The following FOLH1 variants were observed in gnomAD, a reference collection of about 807,000 sequenced individuals.
FOLH1 encodes the protein glutamate carboxypeptidase 2.
Under a neutral mutation model 93.9 loss-of-function variants are expected in FOLH1, and 54 were observed. That is an observed-to-expected ratio of 0.57 (90% CI 0.46 to 0.72). The LOEUF (loss-of-function observed/expected upper bound fraction) is 0.72. FOLH1 is among the 30% of genes least tolerant of loss of function. The pLI, the probability that FOLH1 is intolerant of heterozygous loss-of-function variation, is 0.00. For missense variants in FOLH1, 571 were observed against 892.5 expected, an observed-to-expected ratio of 0.64 and a Z score of 4.59; for synonymous variants, 249 against 303.6, an observed-to-expected ratio of 0.82 and a Z score of 1.87.
intron 3 of FOLH1, among the ~76,000 whole-genome samples, chr11:49,198,916 T>C (rs1207829716): frequency 3.3e-5 from 5 of 152,006 alleles, no homozygotes; most frequent in Admixed American, 1.3e-4. Context: ...CCTGGCTTAA[T>C]AATATTTTTT....
chr11:49,176,007 C>T lies in FOLH1; in HGVS notation c.921-50G>A, dbSNP rs144627857. 1.5e-4 allele frequency: 233 copies of T among 1,551,324 alleles called. 1 individual carries two copies. The highest frequency in any genetic ancestry group is 1.0e-3 in the Middle Eastern group (6 of 5,906). On this transcript the variant is annotated intron_variant, in intron 7 of 18. Coordinates refer to ENST00000256999, the MANE Select transcript of FOLH1 (RefSeq NM_004476.3). Reference sequence around the variant, plus strand: ...TAGCCACAAAAAAACCTTGAAGTAACGCATTAAAATGTTAATGGATTCACT... The same window carrying T: ...TAGCCACAAAAAAACCTTGAAGTAATGCATTAAAATGTTAATGGATTCACT...
At chr11:49,172,718 A>C (rs1859488610) in intron 10 of FOLH1, among the ~76,000 whole-genome samples, 1 of 152,172 alleles carries the variant, frequency 6.6e-6, no homozygotes, top group African/African-American at 2.4e-5. Context: ...AAGAGAATGA[A>C]CTTCCTGCTC....
At chr11:49,206,276 T>C (rs766105727) in intron 1 of FOLH1, 104 bp from the exon 2 acceptor site, 183 of 1,528,100 alleles carry the variant, frequency 1.2e-4, no homozygotes, top group Non-Finnish European at 1.5e-4. Flanking sequence ...ATTATCAATA[T>C]TACCTCTGAC....
intron 4 of FOLH1, among the ~76,000 whole-genome samples, chr11:49,187,538 T>C (rs1172347124): frequency 6.6e-6 from 1 of 151,854 alleles, no homozygotes; most frequent in African/African-American, 2.4e-5. Flanking sequence ...TTATTTACTA[T>C]TCAACATCAT....
chr11:49,197,604 C>T (rs1862758137), intron 3 of FOLH1, among the ~76,000 whole-genome samples: 1 of 152,038 alleles, frequency 6.6e-6, no homozygotes, highest in African/African-American at 2.4e-5. Context: ...TATTTGTTGC[C>T]TACGGATGGA....
At position 49,146,544 on chromosome 11, in the gene FOLH1, G is replaced by C; in HGVS notation, c.*212C>G. 2.1e-6 allele frequency: 1 copy of C among 468,594 alleles called. No homozygotes were observed. 29.0% of individuals were successfully genotyped at this position (468,594 alleles called of 1,614,324 possible). A position where few individuals can be genotyped will look rare whatever the true frequency, so the allele number is the denominator to read the frequency against. ...TACTGAGTTAAATTTTTCCACTTCA[G>C]AATAACCTCTTATAATTATGAAATT... On this transcript the variant is annotated 3_prime_UTR_variant, in exon 19 of 19. Coordinates refer to ENST00000256999, the MANE Select transcript of FOLH1 (RefSeq NM_004476.3).
chr11:49,191,147 G>A (rs185452851), intron 4 of FOLH1, among the ~76,000 whole-genome samples: 4,279 of 152,216 alleles, frequency 0.028, 73 homozygotes, highest in African/African-American at 0.036. Context: ...GAGTAGCTGG[G>A]ACTACAGGCG....
At chr11:49,188,972 A>G (rs202705) in intron 4 of FOLH1, among the ~76,000 whole-genome samples, 27,686 of 152,218 alleles carry the variant, frequency 0.18, 2,952 homozygotes, top group African/African-American at 0.28. Context: ...AATTTGTTAC[A>G]TAGCTATTAG....
chr11:49,187,497 T>C lies in FOLH1; in HGVS notation c.514-728A>G, dbSNP rs1306069839. 3.9e-5 allele frequency among the ~76,000 whole-genome samples: 6 copies of C among 152,238 alleles called. No individual in the cohort carries two copies. In the East Asian group the frequency reaches 9.6e-4, roughly 24 times the overall value. The stretch of plus-strand genomic sequence containing the variant: ...TTTAGAAGAAATTGTATACAACTTT[T>C]ATATTGATCCAAATGATTTAAATAC... On this transcript the variant is annotated intron_variant, in intron 4 of 18. Coordinates refer to ENST00000256999, the MANE Select transcript of FOLH1 (RefSeq NM_004476.3).
rs367843505 is a variant in FOLH1, at chr11:49,177,924, T to C, written c.921-1967A>G. ...ATTGCGGTGAAGCGAGATCACGTCA[T>C]TGCACTCCAGCCTGGGCAAAAAGAG... On this transcript the variant is annotated intron_variant, in intron 7 of 18. Transcript: ENST00000256999. 9.3e-5 allele frequency among the ~76,000 whole-genome samples: 14 copies of C among 149,894 alleles called. No homozygotes were observed. In the East Asian group the frequency reaches 1.8e-3, roughly 19 times the overall value.
Position 49,164,751 on chromosome 11 carries a change from T to A in FOLH1, c.1394A>T (p.Asp465Val). The A allele has an allele frequency of 2.5e-6, 4 of 1,603,180 alleles. No homozygotes were observed. Among genetic ancestry groups the A allele is most frequent in the Non-Finnish European group, 3.4e-6 (4 of 1,172,056 alleles). ...SIEGNYTLRV[D>V]CTPLMYSLVH... ...CAAGCTGTACATCAGCGGTGTACAATCAACTCTCAGAGTGTAGTTTCCTGA... is the reference window on the plus strand; with the variant it reads ...CAAGCTGTACATCAGCGGTGTACAAACAACTCTCAGAGTGTAGTTTCCTGA... Residue 465 changes from aspartate to valine, a missense_variant, in exon 13 of 19, where the codon GAT (aspartate) becomes GTT (valine). Around this residue, in one of 2 missense-constraint regions of FOLH1, gnomAD observed 500 missense variants for 822.9 expected, o/e 0.61. Coordinates refer to ENST00000256999, the MANE Select transcript of FOLH1 (RefSeq NM_004476.3).
chr11:49,173,469 A>G lies in FOLH1; in HGVS notation c.1113T>C (p.Tyr371=), dbSNP rs146822849. 26 of 1,603,398 alleles carry G rather than the reference A, an allele frequency of 1.6e-5. No individual in the cohort carries two copies. In the African/African-American group the frequency reaches 3.5e-4, roughly 21 times the overall value. Residue 371 remains tyrosine, a synonymous_variant, in exon 10 of 19, where the codon TAT becomes TAC. Transcript: ENST00000256999. The part of the protein sequence containing the change: ...TLRGAVEPDR[Y]VILGGHRDSW... ...AGTCCCGGTGACCTCCCAGAATGAC[A>G]TATCTGTCTAGAAAGCATAGATACA...
chr11:49,151,847 A>C (rs1276011469), intron 17 of FOLH1, among the ~76,000 whole-genome samples: 1 of 152,126 alleles, frequency 6.6e-6, no homozygotes, highest in Non-Finnish European at 1.5e-5. Flanking sequence ...TATAGGATAC[A>C]TGGTGTTTGG....
Position 49,146,907 on chromosome 11 carries a change from G to A in FOLH1, c.2102C>T (p.Ala701Val). The A allele has an allele frequency of 6.2e-7, 1 of 1,612,900 alleles. No homozygotes were observed. Among genetic ancestry groups the A allele is most frequent in the Non-Finnish European group, 8.5e-7 (1 of 1,179,336 alleles). Residue 701 changes from alanine (A) to valine (V), a missense_variant, in exon 19 of 19, where the codon GCA (alanine) becomes GTA (valine). Coordinates refer to ENST00000256999, the MANE Select transcript of FOLH1 (RefSeq NM_004476.3). Reference sequence around the variant, plus strand: ...ATAAATTCCTGGGAATGACTCCCCTGCATACTTGTTGTGGCTGCTTGGAGC... The same window carrying A: ...ATAAATTCCTGGGAATGACTCCCCTACATACTTGTTGTGGCTGCTTGGAGC... ...IYAPSSHNKY[A>V]GESFPGIYDA...
At chr11:49,179,035 G>C (rs1317960336) in intron 7 of FOLH1, among the ~76,000 whole-genome samples, 1 of 152,150 alleles carries the variant, frequency 6.6e-6, no homozygotes, top group Non-Finnish European at 1.5e-5. Context: ...ACATCACAGA[G>C]CAAAGGTAAA....
intron 7 of FOLH1, among the ~76,000 whole-genome samples, chr11:49,178,497 G>A (rs202709): frequency 0.99 from 151,293 of 152,298 alleles, 75,163 homozygotes; most frequent in Middle Eastern, 1. Flanking sequence ...CAAGGAGGTA[G>A]ACAAATAACT....
chr11:49,190,581 G>A (rs898009842), intron 4 of FOLH1, among the ~76,000 whole-genome samples: 1 of 152,072 alleles, frequency 6.6e-6, no homozygotes, highest in Admixed American at 6.6e-5. Flanking sequence ...ACAATATCAC[G>A]CTTGTTACAA....
intron 3 of FOLH1, among the ~76,000 whole-genome samples, chr11:49,194,405 T>C (rs55948961): frequency 6.6e-6 from 1 of 151,866 alleles, no homozygotes; most frequent in East Asian, 1.9e-4. Context: ...CTTAAAGAAT[T>C]CCCAAATTCT....
At chr11:49,149,118 G>C (rs1474401342) in intron 17 of FOLH1, among the ~76,000 whole-genome samples, 1 of 152,098 alleles carries the variant, frequency 6.6e-6, no homozygotes, top group Admixed American at 6.6e-5. Context: ...TCGTGGGGTG[G>C]GGTGAGGGGG....
Sources: allele counts gnomAD v4.1 joint callset (sites outside exome capture counted in the v4.1 genomes callset), GRCh38; gene constraint gnomAD v4.1.1; regional missense constraint gnomAD v4.1.1; transcripts MANE v1.5; gene names NCBI Gene and HGNC (gene_info 2026-07-23, HGNC 2026-07-21).